CNTNAP2: variants seen among roughly 807,000 people sequenced by gnomAD.
CNTNAP2 encodes contactin-associated protein-like 2.
In CNTNAP2, 98 loss-of-function variants were observed where a neutral mutation model predicts 155.2. The observed-to-expected ratio is 0.63, with a 90% confidence interval of 0.54 to 0.75. The LOEUF (loss-of-function observed/expected upper bound fraction) is 0.75, where lower values mean the gene tolerates loss of function less well. CNTNAP2 is among the 30% of genes least tolerant of loss of function. The pLI, the probability that CNTNAP2 is intolerant of heterozygous loss-of-function variation, is 0.00. For synonymous variants in CNTNAP2, 651 were observed against 631.2 expected (o/e 1.03, Z -0.47); for missense variants, 1,727 against 1,688.1 (o/e 1.02, Z -0.40).
chr7:147,817,084 A>C (rs911920976), intron 13 of CNTNAP2, among the ~76,000 whole-genome samples: 6 of 152,232 alleles, frequency 3.9e-5, no homozygotes, highest in African/African-American at 1.4e-4. Flanking sequence ...ACAATGAAAC[A>C]AACAGAGAAA....
intron 12 of CNTNAP2, among the ~76,000 whole-genome samples, chr7:147,623,572 A>C (rs1794909582): frequency 6.6e-6 from 1 of 151,996 alleles, no homozygotes; most frequent in Non-Finnish European, 1.5e-5. Flanking sequence ...ATAATGAAAA[A>C]TATAAAACAC....
At chr7:148,078,555 AC>A (rs1803539706) in intron 15 of CNTNAP2, among the ~76,000 whole-genome samples, 1 of 152,058 alleles carries the variant, frequency 6.6e-6, no homozygotes, top group African/African-American at 2.4e-5. Context: ...ATCTCGGCTC[AC>A]TGCAACTTCC....
chr7:148,028,237 AG>A (rs1422081412), intron 15 of CNTNAP2, among the ~76,000 whole-genome samples: 4 of 152,356 alleles, frequency 2.6e-5, no homozygotes, highest in African/African-American at 9.6e-5. Context: ...GGAAAGTCAT[AG>A]AAGGTGACTA....
intron 8 of CNTNAP2, among the ~76,000 whole-genome samples, chr7:147,289,404 T>TAA (rs921665206): frequency 7.6e-6 from 1 of 132,124 alleles, no homozygotes; most frequent in Non-Finnish European, 1.6e-5. Flanking sequence ...AATCAAATAC[T>TAA]AAAAAAAAAA....
chr7:147,013,644 T>A (rs1342625652), intron 3 of CNTNAP2, among the ~76,000 whole-genome samples: 4 of 152,130 alleles, frequency 2.6e-5, no homozygotes, highest in Non-Finnish European at 5.9e-5. Context: ...TCCGTGTCCG[T>A]CTATCCCCTC....
chr7:147,204,326 AT>A (rs1292640684), intron 8 of CNTNAP2, among the ~76,000 whole-genome samples: 1 of 152,176 alleles, frequency 6.6e-6, no homozygotes, highest in East Asian at 1.9e-4. Flanking sequence ...TGAAGATGAA[AT>A]TAATTATTTA....
intron 15 of CNTNAP2, among the ~76,000 whole-genome samples, chr7:148,037,959 C>T (rs1455850652): frequency 6.6e-6 from 1 of 152,124 alleles, no homozygotes; most frequent in Non-Finnish European, 1.5e-5. Context: ...TTTGGTACTA[C>T]CTGTGGTTTC....
intron 1 of CNTNAP2, among the ~76,000 whole-genome samples, chr7:146,700,774 A>T (rs1800863409): frequency 6.6e-6 from 1 of 152,180 alleles, no homozygotes; most frequent in South Asian, 2.1e-4. Flanking sequence ...GCGTGCAGGC[A>T]GGCCACCATA....
chr7:147,612,712 A>G (rs1801211185), intron 12 of CNTNAP2, among the ~76,000 whole-genome samples: 1 of 151,848 alleles, frequency 6.6e-6, no homozygotes, highest in African/African-American at 2.4e-5. Flanking sequence ...AGCTTATGTC[A>G]TTTTCTAATT....
chr7:146,489,549 G>A lies in CNTNAP2; in HGVS notation c.98-284722G>A, dbSNP rs147007442. Among the ~76,000 whole-genome samples the A allele has an allele frequency of 8.9e-4, 135 of 152,080 alleles. 1 individual carries two copies. Among genetic ancestry groups the A allele is most frequent in the Middle Eastern group, 3.4e-3 (1 of 292 alleles). On this transcript the variant is annotated intron_variant, in intron 1 of 23. Transcript: ENST00000361727. ...CAATTTGCCAACTGGGGACCTCCAC[G>A]GCCAGTGACACACACACCCCCACCT...
chr7:147,579,582 G>A (rs1438968523), intron 12 of CNTNAP2, among the ~76,000 whole-genome samples: 2 of 152,050 alleles, frequency 1.3e-5, no homozygotes, highest in African/African-American at 4.8e-5. Context: ...CCTTAAGAAA[G>A]CAATTCTCAA....
rs1800006286 is a variant in CNTNAP2 at position 148,416,870 on chromosome 7, G to A, written c.*1254G>A. 1 of 152,488 alleles carries A rather than the reference G, an allele frequency of 6.6e-6. No individual in the cohort carries two copies. The highest frequency in any genetic ancestry group is 1.5e-5 in the Non-Finnish European group (1 of 68,040). 9.4% of individuals were successfully genotyped at this position (152,488 alleles called of 1,614,324 possible). A position where few individuals can be genotyped will look rare whatever the true frequency, so the allele number is the denominator to read the frequency against. Reference sequence around the variant, plus strand: ...CTGTTGCTTCCCAGAGGATGGAGAAGTGTAGTTAATCACACCTCTTAGTTT... The same window carrying A: ...CTGTTGCTTCCCAGAGGATGGAGAAATGTAGTTAATCACACCTCTTAGTTT... On this transcript the variant is annotated 3_prime_UTR_variant, in exon 24 of 24. Transcript: ENST00000361727.
chr7:146,880,161 GA>G (rs1795514987), intron 3 of CNTNAP2, among the ~76,000 whole-genome samples: 1 of 151,976 alleles, frequency 6.6e-6, no homozygotes. Context: ...AGATAATAAT[GA>G]AAAGTTTATG....
At chr7:148,067,204 T>C (rs548787997) in intron 15 of CNTNAP2, among the ~76,000 whole-genome samples, 13 of 152,358 alleles carry the variant, frequency 8.5e-5, no homozygotes, top group African/African-American at 2.9e-4. Flanking sequence ...GAATTGTTTT[T>C]CTGGTTCCTT....
chr7:147,183,951 G>T (rs1802516066), intron 8 of CNTNAP2, among the ~76,000 whole-genome samples: 1 of 152,140 alleles, frequency 6.6e-6, no homozygotes, highest in Admixed American at 6.5e-5. Flanking sequence ...AGTGATCAGT[G>T]ATGCATTGTA....
At chr7:147,542,449 A>C (rs937317428) in intron 11 of CNTNAP2, among the ~76,000 whole-genome samples, 3 of 152,228 alleles carry the variant, frequency 2.0e-5, no homozygotes, top group African/African-American at 7.2e-5. Context: ...GCAAATTACT[A>C]AATCTCCCTG....
At chr7:146,365,458 A>G (rs1409853062) in intron 1 of CNTNAP2, among the ~76,000 whole-genome samples, 1 of 152,202 alleles carries the variant, frequency 6.6e-6, no homozygotes, top group Non-Finnish European at 1.5e-5. Flanking sequence ...CACTTATAGT[A>G]ATTAAATTTC....
intron 5 of CNTNAP2, among the ~76,000 whole-genome samples, chr7:147,112,679 T>C (rs1435972967): frequency 6.6e-6 from 1 of 152,220 alleles, no homozygotes; most frequent in Non-Finnish European, 1.5e-5. Context: ...CATTTATTGA[T>C]ATGTGTATGT....
intron 3 of CNTNAP2, among the ~76,000 whole-genome samples, chr7:146,995,159 G>T (rs1798283405): frequency 6.6e-6 from 1 of 151,992 alleles, no homozygotes; most frequent in Non-Finnish European, 1.5e-5. Flanking sequence ...TGTGATAAAT[G>T]ACACGATTTC....
Sources: allele counts gnomAD v4.1 joint callset (sites outside exome capture counted in the v4.1 genomes callset), GRCh38; gene constraint gnomAD v4.1.1; transcripts MANE v1.5; gene names NCBI Gene and HGNC (gene_info 2026-07-23, HGNC 2026-07-21).